Variants in CNDP1 observed in about 807,000 individuals in gnomAD.
The protein encoded by CNDP1 is carnosine dipeptidase 1.
A neutral mutation model predicts 58.1 loss-of-function variants in CNDP1; 44 were observed. The observed-to-expected ratio is 0.76, with a 90% CI of 0.60 to 0.97. The LOEUF (loss-of-function observed/expected upper bound fraction) is 0.97, where lower values mean the gene tolerates loss of function less well. CNDP1 is among the 50% of genes least tolerant of loss of function. CNDP1 has a pLI of 0.00. For synonymous variants in CNDP1, 254 were observed against 252.6 expected, an observed-to-expected ratio of 1.01 and a Z score of -0.05; for missense variants, 616 against 655.1, an observed-to-expected ratio of 0.94 and a Z score of 0.65.
At chr18:74,538,418 T>C (rs1366103017) in intron 1 of CNDP1, among the ~76,000 whole-genome samples, 1 of 152,268 alleles carries the variant, frequency 6.6e-6, no homozygotes, top group Non-Finnish European at 1.5e-5. Context: ...TGCCACATTT[T>C]GTATTTATCC....
rs528482838 is a variant in CNDP1 at position 74,571,006 on chromosome 18, C to T, written c.757-180C>T. On this transcript the variant is annotated intron_variant, in intron 6 of 11. Transcript: ENST00000358821. ...CAAGAGATGGTGGGAATGAAGCAAT[C>T]GACAGCAGGTAGGAAATCCAGTCCC... Among the ~76,000 whole-genome samples the T allele has an allele frequency of 2.6e-5, 4 of 152,240 alleles. No individual in the cohort carries two copies. In the South Asian group the frequency reaches 6.2e-4, roughly 24 times the overall value.
intron 11 of CNDP1, 32 bp downstream of exon 11, chr18:74,583,740 C>T: frequency 6.2e-7 from 1 of 1,609,272 alleles, no homozygotes; most frequent in Admixed American, 1.7e-5. Context: ...GTGCCTCTCT[C>T]TTCTTCCTTT....
chr18:74,574,392 C>T (rs1981575831), intron 7 of CNDP1, among the ~76,000 whole-genome samples: 1 of 152,238 alleles, frequency 6.6e-6, no homozygotes, highest in Non-Finnish European at 1.5e-5. Context: ...TCTGTAGTTT[C>T]CCTTTGCAGA....
intron 5 of CNDP1, among the ~76,000 whole-genome samples, chr18:74,564,700 A>G (rs1225132942): frequency 2.0e-5 from 3 of 152,194 alleles, no homozygotes; most frequent in Admixed American, 2.0e-4. Flanking sequence ...GCTTTTCTGT[A>G]GCTGCTCCTT....
Position 74,584,476 on chromosome 18 carries a change from T to C in CNDP1, c.1458-20T>C, listed in dbSNP as rs994490786. ...AATGGAAATTGTAACAAAATTTCTC[T>C]TTGTTTTTCCTCTTCTTAGGTGGAA... is the stretch of plus-strand genomic sequence containing the variant. On this transcript the variant is annotated intron_variant, in intron 11 of 11. Coordinates refer to ENST00000358821, the MANE Select transcript of CNDP1 (RefSeq NM_032649.6). 2 of 1,587,650 alleles carry C rather than the reference T, an allele frequency of 1.3e-6. No homozygotes were observed. The highest frequency in any genetic ancestry group is 1.7e-6 in the Non-Finnish European group (2 of 1,156,560).
chr18:74,564,721 T>C (rs1334794169), intron 5 of CNDP1, among the ~76,000 whole-genome samples: 1 of 152,248 alleles, frequency 6.6e-6, no homozygotes, highest in African/African-American at 2.4e-5. Context: ...TCCCCAATTC[T>C]TGATCATAGC....
chr18:74,564,955 A>G (rs150300283), intron 5 of CNDP1, among the ~76,000 whole-genome samples: 1 of 152,364 alleles, frequency 6.6e-6, no homozygotes, highest in Non-Finnish European at 1.5e-5. Flanking sequence ...CTGCTGATAA[A>G]GGCATACCTG....
chr18:74,556,496 C>T (rs761668422), intron 2 of CNDP1, 30 bp downstream of exon 2: 3 of 1,612,112 alleles, frequency 1.9e-6, no homozygotes, highest in Admixed American at 1.7e-5. Context: ...CAACTACACA[C>T]AGAATGCTTG....
intron 5 of CNDP1, among the ~76,000 whole-genome samples, chr18:74,564,347 T>TG (rs1442865202): frequency 6.6e-6 from 1 of 152,128 alleles, no homozygotes; most frequent in Non-Finnish European, 1.5e-5. Flanking sequence ...CAAAACCAAA[T>TG]GGGGGAAGAA....
chr18:74,570,572 T>G (rs979920207), intron 6 of CNDP1, among the ~76,000 whole-genome samples: 1 of 152,202 alleles, frequency 6.6e-6, no homozygotes, highest in African/African-American at 2.4e-5. Flanking sequence ...GAACATCTAG[T>G]CCCTGTTGGC....
chr18:74,561,535 G>A (rs1261201050), intron 4 of CNDP1: 1 of 155,922 alleles, frequency 6.4e-6, no homozygotes, highest in African/African-American at 2.4e-5. Flanking sequence ...CTGGATGGAG[G>A]TTCTTGAGTT....
At chr18:74,558,274 T>C (rs541117590) in intron 2 of CNDP1, among the ~76,000 whole-genome samples, 131 of 152,294 alleles carry the variant, frequency 8.6e-4, no homozygotes, top group African/African-American at 2.9e-3. Context: ...GTGGTTCTTA[T>C]CAGTCATTCA....
chr18:74,586,585 G>A lies in CNDP1; in HGVS notation c.*2023G>A, dbSNP rs1981919558. On this transcript the variant is annotated 3_prime_UTR_variant, in exon 12 of 12. Transcript: ENST00000358821. ...TCCTGCTGAATCTGAGACCAGCAGTGTCTCAATTATTACGTTGCTGCCAGG... is the reference window on the plus strand; with the variant it reads ...TCCTGCTGAATCTGAGACCAGCAGTATCTCAATTATTACGTTGCTGCCAGG... The A allele has an allele frequency of 2.0e-5, 3 of 152,198 alleles. No homozygotes were observed. Among genetic ancestry groups the A allele is most frequent in the Admixed American group, 6.5e-5 (1 of 15,284 alleles). The allele number at this position is 152,198 out of a possible 1,614,324, so 9.4% of individuals were successfully genotyped here. A position where few individuals can be genotyped will look rare whatever the true frequency, so the allele number is the denominator to read the frequency against.
chr18:74,543,847 G>T (rs1223710553), intron 1 of CNDP1, among the ~76,000 whole-genome samples: 2 of 152,010 alleles, frequency 1.3e-5, no homozygotes, highest in African/African-American at 2.4e-5. Context: ...CATTTTGGGA[G>T]GCCAAAGAAA....
At chr18:74,584,301 T>A in intron 11 of CNDP1, 195 bp from the exon 12 acceptor site, 1 of 572,464 alleles carries the variant, frequency 1.7e-6, no homozygotes, top group East Asian at 3.0e-5. Context: ...CTGATTCTCA[T>A]CTTCTTAATA....
At chr18:74,583,976 T>A (rs1333988346) in intron 11 of CNDP1, 1 of 443,404 alleles carries the variant, frequency 2.3e-6, no homozygotes, top group African/African-American at 2.0e-5. Context: ...TCTCTCTTTT[T>A]ATAAGAGCAC....
At chr18:74,570,670 T>C (rs1398989015) in intron 6 of CNDP1, among the ~76,000 whole-genome samples, 2 of 152,318 alleles carry the variant, frequency 1.3e-5, no homozygotes, top group Admixed American at 6.5e-5. Context: ...CACTATCCTG[T>C]GAGCTCTTGA....
chr18:74,563,370 C>T (rs1981250692), intron 5 of CNDP1, among the ~76,000 whole-genome samples: 1 of 152,114 alleles, frequency 6.6e-6, no homozygotes, highest in South Asian at 2.1e-4. Flanking sequence ...TTTCTCTCTC[C>T]CTCTCCTTCT....
chr18:74,577,220 G>T, intron 8 of CNDP1, 191 bp downstream of exon 8: 1 of 463,038 alleles, frequency 2.2e-6, no homozygotes, highest in Non-Finnish European at 3.7e-6. Context: ...CTTTTTCAAT[G>T]GCGTCTAATT....
Sources: gnomAD v4.1 joint callset for allele counts (sites outside exome capture counted in the v4.1 genomes callset) on GRCh38, gnomAD v4.1.1 for gene constraint, MANE v1.5 for transcripts, NCBI Gene and HGNC (gene_info 2026-07-23, HGNC 2026-07-21) for gene names.